The following PAX1 variants were observed in gnomAD, a reference collection of about 807,000 sequenced individuals.
PAX1 encodes the protein paired box protein Pax-1.
Under a neutral mutation model 35.6 loss-of-function variants are expected in PAX1, and 18 were observed. That is an observed-to-expected ratio of 0.50 (90% CI 0.35 to 0.75). The LOEUF (loss-of-function observed/expected upper bound fraction) is 0.75, where lower values mean the gene tolerates loss of function less well. PAX1 is among the 30% of genes least tolerant of loss of function. PAX1 has a pLI of 0.01. For missense variants in PAX1, 760 were observed against 661.5 expected, an observed-to-expected ratio of 1.15 and a Z score of -1.63; for synonymous variants, 397 against 305.2, an observed-to-expected ratio of 1.30 and a Z score of -3.14.
intron 4 of PAX1, among the ~76,000 whole-genome samples, chr20:21,710,603 A>G (rs551915246): frequency 1.4e-5 from 2 of 138,126 alleles, no homozygotes; most frequent in African/African-American, 5.5e-5. Context: ...GGCAGGGGAC[A>G]GGAGGGCCAT....
rs760859962 is a variant in PAX1 at position 21,706,460 on chromosome 20, C to T, written c.309C>T (p.Asn103=). 1 of 1,610,950 alleles carries T rather than the reference C, an allele frequency of 6.2e-7. No individual in the cohort carries two copies. The highest frequency in any genetic ancestry group is 1.1e-5 in the South Asian group (1 of 91,060). Residue 103 remains asparagine, a synonymous_variant, in exon 2 of 5, where the codon AAC becomes AAT. Transcript: ENST00000613128. The surrounding 1 kb of genome is among the most constrained non-coding windows in gnomAD (Gnocchi z 5.3). ...LAMEQTYGEV[N]QLGGVFVNGR... Reference sequence around the variant, plus strand: ...CAGAGCAGACGTATGGCGAGGTGAACCAGCTGGGCGGTGTGTTCGTCAACG... The same window carrying T: ...CAGAGCAGACGTATGGCGAGGTGAATCAGCTGGGCGGTGTGTTCGTCAACG...
rs536204415 is a variant in PAX1 at position 21,705,810 on chromosome 20, T to C, written c.98T>C (p.Leu33Pro). The change falls in exon 1 of 5, where the codon CTC becomes CCC. Residue 33 changes from leucine (L) to proline (P), a missense_variant. Coordinates refer to ENST00000613128, the MANE Select transcript of PAX1 (RefSeq NM_001257096.2). The part of the protein sequence containing the change: ...AAGPGAGGSA[L>P]RCRAQRVSSP... ...GGCCCTGGAGCGGGCGGCAGCGCGC[T>C]CCGCTGCCGCGCACAGCGCGTCTCC... 2,204 of 1,279,306 alleles carry C rather than the reference T, an allele frequency of 1.7e-3. 32 individuals are homozygous for C. In the African/African-American group the frequency reaches 0.03, roughly 17 times the overall value. The allele number at this position is 1,279,306 out of a possible 1,614,324, so 79.2% of individuals were successfully genotyped here.
chr20:21,712,448 T>A (rs947099730), intron 4 of PAX1, among the ~76,000 whole-genome samples: 1 of 152,144 alleles, frequency 6.6e-6, no homozygotes, highest in African/African-American at 2.4e-5. Flanking sequence ...CACATCCAAA[T>A]GTCTTTTCAT....
intron 3 of PAX1, 97 bp downstream of exon 3, chr20:21,708,797 A>C (rs1985101475): frequency 3.9e-6 from 5 of 1,286,736 alleles, no homozygotes; most frequent in Non-Finnish European, 5.6e-6. Flanking sequence ...AAAAATTTCC[A>C]GGCAGAGAGA....
At position 21,715,108 on chromosome 20, in the gene PAX1, C is replaced by T; in HGVS notation, c.*546C>T. The T allele has an allele frequency of 2.0e-6, 1 of 496,514 alleles. No homozygotes were observed. The highest frequency in any genetic ancestry group is 3.6e-6 in the Non-Finnish European group (1 of 274,362). 30.8% of individuals were successfully genotyped at this position (496,514 alleles called of 1,614,324 possible). A position where few individuals can be genotyped will look rare whatever the true frequency, so the allele number is the denominator to read the frequency against. On this transcript the variant is annotated 3_prime_UTR_variant, in exon 5 of 5. Transcript: ENST00000613128. ...CTCTTTCTAGTCCTCTATATGCTAT[C>T]AGCCCTTTTTCCTGGTCCATCCCTG...
At position 21,715,345 on chromosome 20, in the gene PAX1, G is replaced by A. The variant is rs1985335096; in HGVS notation, c.*783G>A. The stretch of plus-strand genomic sequence containing the variant: ...TCAAACCTAGGAAGTGGACAGAAAA[G>A]CCACAGCCTTTATTTTGTATTTTTT... On this transcript the variant is annotated 3_prime_UTR_variant, in exon 5 of 5. Coordinates refer to ENST00000613128, the MANE Select transcript of PAX1 (RefSeq NM_001257096.2). 6.5e-6 allele frequency: 1 copy of A among 154,504 alleles called. No homozygotes were observed. The highest frequency in any genetic ancestry group is 6.4e-5 in the Admixed American group (1 of 15,614). The allele number at this position is 154,504 out of a possible 1,614,324, so 9.6% of individuals were successfully genotyped here. A position where few individuals can be genotyped will look rare whatever the true frequency, so the allele number is the denominator to read the frequency against.
Position 21,714,716 on chromosome 20 carries a change from C to T in PAX1, c.*154C>T. On this transcript the variant is annotated 3_prime_UTR_variant, in exon 5 of 5. Coordinates refer to ENST00000613128, the MANE Select transcript of PAX1 (RefSeq NM_001257096.2). ...GCCCGCGGGGTGCACGCCCAGCCAG[C>T]CCCCAGGCCCAGCCCTGCCTCTGGC... The T allele has an allele frequency of 1.9e-6, 3 of 1,605,722 alleles. No individual in the cohort carries two copies. Among genetic ancestry groups the T allele is most frequent in the Non-Finnish European group, 1.7e-6 (2 of 1,179,766 alleles).
At chr20:21,707,331 T>C (rs529763732) in intron 2 of PAX1, among the ~76,000 whole-genome samples, 9 of 152,308 alleles carry the variant, frequency 5.9e-5, no homozygotes, top group African/African-American at 1.7e-4. Flanking sequence ...AAATTGTGCT[T>C]TTTCATTCTT....
rs112469009 is a variant in PAX1, at chr20:21,717,950, A to G, written c.*3388A>G. 3.9e-5 allele frequency: 6 copies of G among 152,322 alleles called. No homozygotes were observed. Among genetic ancestry groups the G allele is most frequent in the African/African-American group, 1.2e-4 (5 of 41,558 alleles). The allele number at this position is 152,322 out of a possible 1,614,324, so 9.4% of individuals were successfully genotyped here. On this transcript the variant is annotated 3_prime_UTR_variant, in exon 5 of 5. Coordinates refer to ENST00000613128, the MANE Select transcript of PAX1 (RefSeq NM_001257096.2). ...CATGCGGGAAAATATGTTTCTGTCT[A>G]TGTGTTATTTGAAAGTGCACACTAA...
At chr20:21,708,736 AG>A in intron 3 of PAX1, 36 bp downstream of exon 3, 2 of 1,608,476 alleles carry the variant, frequency 1.2e-6, no homozygotes, top group East Asian at 2.2e-5. Context: ...GACCTTAAGT[AG>A]GGAAGCAGAA....
At chr20:21,708,771 A>T (rs1985100845) in intron 3 of PAX1, 71 bp downstream of exon 3, 1 of 1,538,118 alleles carries the variant, frequency 6.5e-7, no homozygotes, top group Non-Finnish European at 9.0e-7. Context: ...GGGGAAAAAG[A>T]GAGAGAAAGA....
intron 4 of PAX1, 36 bp from the exon 5 acceptor site, chr20:21,714,435 G>T (rs2122149285): frequency 6.7e-7 from 1 of 1,489,126 alleles, no homozygotes; most frequent in Non-Finnish European, 9.1e-7. Context: ...CGCGGCGCTA[G>T]GTAGTGATCC....
At chr20:21,709,200 C>T (rs369063536) in intron 3 of PAX1, 22 bp from the exon 4 acceptor site, 11 of 1,570,960 alleles carry the variant, frequency 7.0e-6, no homozygotes, top group East Asian at 2.2e-5. Context: ...CTGCTGCTGA[C>T]GGTCCCTCTC....
In PAX1 at chr20:21,714,556, C is replaced by T. The variant is rs17861059; in HGVS notation, c.1368C>T (p.Thr456=). The change falls in exon 5 of 5, where the codon ACC becomes ACT. Residue 456 remains threonine, a synonymous_variant. Transcript: ENST00000613128. Reference sequence around the variant, plus strand: ...ACGGACTGCCCATCCCGGCCTCGACCTCCTAGGGGCAGCTCTCCCCGGACC... The same window carrying T: ...ACGGACTGCCCATCCCGGCCTCGACTTCCTAGGGGCAGCTCTCCCCGGACC... ...SLHGLPIPAS[T]S is the part of the protein sequence containing the mutation. 2,635 of 1,589,208 alleles carry T rather than the reference C, an allele frequency of 1.7e-3. 28 individuals carry two copies. In the African/African-American group the frequency reaches 0.025, roughly 15 times the overall value.
intron 4 of PAX1, 36 bp downstream of exon 4, chr20:21,709,480 G>C (rs1017400470): frequency 1.4e-6 from 2 of 1,412,596 alleles, no homozygotes; most frequent in East Asian, 2.5e-5. Flanking sequence ...GTGGATGCTG[G>C]AAGGGTTAGG....
chr20:21,707,157 C>T, intron 2 of PAX1, 90 bp downstream of exon 2: 1 of 1,516,312 alleles, frequency 6.6e-7, no homozygotes, highest in Non-Finnish European at 9.0e-7. Context: ...TCGCTCTCCT[C>T]CCGGGACCGG....
rs1411545681 is a variant in PAX1 at position 21,714,977 on chromosome 20, C to A, written c.*415C>A. 24 of 688,744 alleles carry A rather than the reference C, an allele frequency of 3.5e-5. No individual in the cohort carries two copies. The highest frequency in any genetic ancestry group is 7.7e-6 in the Non-Finnish European group (3 of 388,762). The allele number at this position is 688,744 out of a possible 1,614,324, so 42.7% of individuals were successfully genotyped here. ...CTTCCCTTTCTCTTTCCCTTCCTCC[C>A]TACCTTCCACCCCGGCTTTCCCCGA... On this transcript the variant is annotated 3_prime_UTR_variant, in exon 5 of 5. Transcript: ENST00000613128.
chr20:21,708,591 C>T lies in PAX1; in HGVS notation c.950C>T (p.Ser317Phe). ...GCTGGGAGCGAAGGCACCGCTTACTCTCCCAAGATGGAAGACTGGGCCGGC... is the reference window on the plus strand; with the variant it reads ...GCTGGGAGCGAAGGCACCGCTTACTTTCCCAAGATGGAAGACTGGGCCGGC... ...ALAGSEGTAY[S>F]PKMEDWAGVN... The change falls in exon 3 of 5, where the codon TCT (serine) becomes TTT (phenylalanine). Residue 317 changes from serine (S) to phenylalanine (F), a missense_variant. Transcript: ENST00000613128. The T allele has an allele frequency of 1.9e-6, 3 of 1,613,826 alleles. No homozygotes were observed. The highest frequency in any genetic ancestry group is 4.5e-5 in the East Asian group (2 of 44,886).
Position 21,714,810 on chromosome 20 carries a change from G to A in PAX1, c.*248G>A, listed in dbSNP as rs117973709. 4.5e-4 allele frequency: 717 copies of A among 1,596,740 alleles called. 14 individuals carry two copies. In the East Asian group the frequency reaches 0.016, roughly 35 times the overall value. On this transcript the variant is annotated 3_prime_UTR_variant, in exon 5 of 5. Transcript: ENST00000613128. Reference sequence around the variant, plus strand: ...CTCTGAACTTGGGTTTTAGACTGCCGTACCCTCCTCACAATCCTTGCTCTG... The same window carrying A: ...CTCTGAACTTGGGTTTTAGACTGCCATACCCTCCTCACAATCCTTGCTCTG...
Sources: allele counts gnomAD v4.1 joint callset (sites outside exome capture counted in the v4.1 genomes callset), GRCh38; gene constraint gnomAD v4.1.1; non-coding constraint Gnocchi (gnomAD v3.1); transcripts MANE v1.5; gene names NCBI Gene and HGNC (gene_info 2026-07-23, HGNC 2026-07-21).